ZC3H18: variants seen among roughly 807,000 people sequenced by gnomAD.
The protein encoded by ZC3H18 is zinc finger CCCH domain-containing protein 18.
In ZC3H18, 8 loss-of-function variants were observed where a neutral mutation model predicts 106.1. That is an observed-to-expected ratio of 0.08 (90% CI 0.04 to 0.14). The LOEUF is 0.14. Ranked by LOEUF, ZC3H18 falls within the 10% of genes least tolerant of loss-of-function variation. ZC3H18 has a pLI of 1.00. For missense variants in ZC3H18, 1,318 were observed against 1,278.4 expected (o/e 1.03, Z -0.47); for synonymous variants, 635 against 522.1 (o/e 1.22, Z -2.95).
intron 7 of ZC3H18, 24 bp downstream of exon 7, chr16:88,609,075 A>G (rs1401077292): frequency 3.2e-6 from 5 of 1,555,792 alleles, no homozygotes; most frequent in Non-Finnish European, 4.4e-6. Context: ...CAATATCCAC[A>G]TATGAACTTC....
chr16:88,574,994 T>C (rs1914655987), intron 1 of ZC3H18, among the ~76,000 whole-genome samples: 1 of 151,512 alleles, frequency 6.6e-6, no homozygotes, highest in Non-Finnish European at 1.5e-5. Context: ...CACACCCGAC[T>C]AATTTTTTGT....
intron 2 of ZC3H18, among the ~76,000 whole-genome samples, chr16:88,581,300 C>T (rs563516853): frequency 6.6e-6 from 1 of 152,226 alleles, no homozygotes; most frequent in African/African-American, 2.4e-5. Flanking sequence ...ATTTATCATT[C>T]TTTTTCAGAA....
intron 6 of ZC3H18, among the ~76,000 whole-genome samples, chr16:88,603,018 G>C (rs1006647076): frequency 6.6e-6 from 1 of 151,432 alleles, no homozygotes; most frequent in Non-Finnish European, 1.5e-5. Context: ...AGGCTGGAGT[G>C]TAGTGGTGCC....
chr16:88,576,528 C>T (rs909153043), intron 1 of ZC3H18, among the ~76,000 whole-genome samples: 6 of 152,036 alleles, frequency 3.9e-5, no homozygotes, highest in Non-Finnish European at 7.4e-5. Flanking sequence ...GGGCTCTGAG[C>T]CTGCATTGCT....
intron 8 of ZC3H18, among the ~76,000 whole-genome samples, chr16:88,618,880 G>A (rs1905786481): frequency 6.6e-6 from 1 of 152,162 alleles, no homozygotes; most frequent in Admixed American, 6.5e-5. Context: ...CCTTGCGAGC[G>A]TTCTCAGCCC....
At chr16:88,593,895 A>G (rs1382571137) in intron 3 of ZC3H18, among the ~76,000 whole-genome samples, 1 of 152,238 alleles carries the variant, frequency 6.6e-6, no homozygotes. Context: ...TCACAGAATC[A>G]TGCCTGGGTA....
At position 88,577,289 on chromosome 16, in the gene ZC3H18, A is replaced by C. The variant is rs748029590; in HGVS notation, c.166A>C (p.Arg56=). 1.2e-6 allele frequency: 2 copies of C among 1,612,954 alleles called. No individual in the cohort carries two copies. Among genetic ancestry groups the C allele is most frequent in the Non-Finnish European group, 1.7e-6 (2 of 1,179,500 alleles). The change falls in exon 2 of 18, where the codon AGG becomes CGG. Residue 56 remains arginine, a synonymous_variant. Coordinates refer to ENST00000301011, the MANE Select transcript of ZC3H18 (RefSeq NM_144604.4). ...TCTGGAGGATGAGGAAAGTGCAGCC[A>C]GGGGGCCGAGCCAGGAGGAGGAAGA... The part of the protein sequence containing the change: ...SDLEDEESAA[R]GPSQEEEDNH...
intron 3 of ZC3H18, among the ~76,000 whole-genome samples, chr16:88,596,606 C>T (rs547077061): frequency 6.6e-6 from 1 of 152,218 alleles, no homozygotes; most frequent in South Asian, 2.1e-4. Context: ...CATCATTGCA[C>T]TCCAGCCTGG....
At chr16:88,580,759 C>G (rs958763336) in intron 2 of ZC3H18, among the ~76,000 whole-genome samples, 1 of 152,188 alleles carries the variant, frequency 6.6e-6, no homozygotes, top group Non-Finnish European at 1.5e-5. Flanking sequence ...TCCCACCAGG[C>G]CTTTCGCCCG....
chr16:88,602,370 G>A (rs1904793888), intron 6 of ZC3H18, among the ~76,000 whole-genome samples: 1 of 152,352 alleles, frequency 6.6e-6, no homozygotes, highest in South Asian at 2.1e-4. Context: ...GCAGGCCGAG[G>A]TCAGGGCCAT....
intron 1 of ZC3H18, among the ~76,000 whole-genome samples, chr16:88,572,431 C>T (rs1914466811): frequency 6.6e-6 from 1 of 151,648 alleles, no homozygotes; most frequent in Admixed American, 6.6e-5. Flanking sequence ...TGGTAGGCAA[C>T]AGGTAGTTCC....
chr16:88,626,240 C>T (rs1405762564), intron 13 of ZC3H18: 1 of 152,210 alleles, frequency 6.6e-6, no homozygotes, highest in Admixed American at 6.5e-5. Flanking sequence ...GTGTGAGCCA[C>T]TGCACCCAGC....
At chr16:88,630,262 A>G in intron 16 of ZC3H18, 1 of 512,280 alleles carries the variant, frequency 2.0e-6, no homozygotes, top group South Asian at 2.9e-5. Flanking sequence ...TGCTTGCTGG[A>G]ACCTGGGGCC....
chr16:88,592,752 T>TTATAA (rs1915826518), intron 3 of ZC3H18, among the ~76,000 whole-genome samples: 1 of 152,194 alleles, frequency 6.6e-6, no homozygotes, highest in South Asian at 2.1e-4. Flanking sequence ...GAAACTATAT[T>TTATAA]TATAATAACA....
At position 88,581,724 on chromosome 16, in the gene ZC3H18, A is replaced by G. The variant is rs543053738; in HGVS notation, c.603+3998A>G. On this transcript the variant is annotated intron_variant, in intron 2 of 17. Transcript: ENST00000301011. Reference sequence around the variant, plus strand: ...CTTGTTTTTATGCTCCTGCCGTCCAAAGAGTGCGTGGAGCCCACCCTGACC... The same window carrying G: ...CTTGTTTTTATGCTCCTGCCGTCCAGAGAGTGCGTGGAGCCCACCCTGACC... Among the ~76,000 whole-genome samples, 9 of 152,294 alleles carry G rather than the reference A, an allele frequency of 5.9e-5. No individual in the cohort carries two copies. The South Asian group carries it at 1.7e-3, about 28-fold the overall frequency.
chr16:88,623,258 C>T lies in ZC3H18; in HGVS notation c.1707C>T (p.Ser569=), dbSNP rs751577312. The T allele has an allele frequency of 4.3e-5, 69 of 1,613,658 alleles. No homozygotes were observed. In the Admixed American group the frequency reaches 1.1e-3, roughly 27 times the overall value. The change falls in exon 10 of 18, where the codon TCC becomes TCT. Residue 569 remains serine, a synonymous_variant. Transcript: ENST00000301011. ...SRSSSYSGSG[S]SRSRSRSSSY... is the part of the protein sequence containing the mutation. ...CATCGTCCTACTCTGGCTCCGGCTC[C>T]TCCCGGTCGCGATCCCGGTCTTCAT...
intron 16 of ZC3H18, among the ~76,000 whole-genome samples, chr16:88,629,943 C>G (rs573829156): frequency 1.3e-5 from 2 of 152,358 alleles, no homozygotes; most frequent in East Asian, 3.9e-4. Context: ...TCCCTAAGCC[C>G]AGGGCCTGTG....
At chr16:88,581,878 A>AGGCCT (rs1915153731) in intron 2 of ZC3H18, among the ~76,000 whole-genome samples, 1 of 152,164 alleles carries the variant, frequency 6.6e-6, no homozygotes, top group African/African-American at 2.4e-5. Context: ...TACAGTTGAG[A>AGGCCT]GGCCTGGCCT....
intron 8 of ZC3H18, among the ~76,000 whole-genome samples, chr16:88,620,844 T>G (rs1905912798): frequency 6.6e-6 from 1 of 152,152 alleles, no homozygotes; most frequent in Admixed American, 6.6e-5. Context: ...AAGGGGTCAG[T>G]TTAATATCAT....
Sources: gnomAD v4.1 joint callset for allele counts (sites outside exome capture counted in the v4.1 genomes callset) on GRCh38, gnomAD v4.1.1 for gene constraint, MANE v1.5 for transcripts, NCBI Gene and HGNC (gene_info 2026-07-23, HGNC 2026-07-21) for gene names.